The following PCGF5 variants were observed in gnomAD, a reference collection of about 807,000 sequenced individuals.
The protein encoded by PCGF5 is polycomb group ring finger 5, also known as polycomb group RING finger protein 5.
PCGF5 carries 9 observed loss-of-function variants against 44.3 expected under a neutral mutation model. The observed-to-expected ratio is 0.20, with a 90% CI of 0.12 to 0.35. The LOEUF is 0.35. PCGF5 is among the 10% of genes least tolerant of loss of function. PCGF5 has a pLI of 1.00. For synonymous variants in PCGF5, 95 were observed against 102.5 expected (o/e 0.93, Z 0.44); for missense variants, 146 against 305.3 (o/e 0.48, Z 3.89).
At chr10:91,170,185 A>G (rs1373146287) in intron 1 of PCGF5, among the ~76,000 whole-genome samples, 1 of 152,260 alleles carries the variant, frequency 6.6e-6, no homozygotes, top group Non-Finnish European at 1.5e-5. Context: ...AAGATAACAT[A>G]GGAGAAAATC....
chr10:91,181,064 C>G lies in PCGF5; in HGVS notation c.-184+17983C>G, dbSNP rs574183733. Among the ~76,000 whole-genome samples the G allele has an allele frequency of 2.0e-5, 3 of 152,200 alleles. No individual in the cohort carries two copies. In the South Asian group the frequency reaches 6.2e-4, roughly 32 times the overall value. ...TTCTCCTTGTAGAGATCTTTCACCT[C>G]CCTAGTTAGCTGTATTTTTAGCTAT... On this transcript the variant is annotated intron_variant, in intron 1 of 9. Transcript: ENST00000614189.
intron 2 of PCGF5, chr10:91,227,506 C>T: frequency 2.4e-6 from 3 of 1,264,734 alleles, no homozygotes; most frequent in Non-Finnish European, 3.1e-6. Flanking sequence ...CTGCTGGTCT[C>T]TCTCTTTAAT....
upstream of PCGF5, among the ~76,000 whole-genome samples, chr10:91,218,085 C>T (rs1844578950): frequency 6.6e-6 from 1 of 152,204 alleles, no homozygotes. Context: ...CCGTGCGCAG[C>T]CCTAATCTGT....
At chr10:91,261,481 T>G (rs1845907303) in intron 7 of PCGF5, 57 bp downstream of exon 7, 8 of 1,351,182 alleles carry the variant, frequency 5.9e-6, no homozygotes, top group African/African-American at 1.5e-5. Flanking sequence ...TGAAGTAAAA[T>G]TCTAACAAAA....
rs527905021 is a variant in PCGF5, at chr10:91,262,106, C to T, written c.573+682C>T. Among the ~76,000 whole-genome samples the T allele has an allele frequency of 3.9e-5, 6 of 152,294 alleles. No individual in the cohort carries two copies. The South Asian group carries it at 1.0e-3, about 26-fold the overall frequency. ...TCATTAATTTCCCCTTCTTCCCTTT[C>T]GAGTTCTGATAGTAGCATCTAGAAA... is the stretch of plus-strand genomic sequence containing the variant. On this transcript the variant is annotated intron_variant, in intron 7 of 9. Coordinates refer to ENST00000336126, the MANE Select transcript of PCGF5 (RefSeq NM_032373.5).
chr10:91,228,277 C>T (rs1844901705), intron 2 of PCGF5, among the ~76,000 whole-genome samples: 1 of 152,074 alleles, frequency 6.6e-6, no homozygotes, highest in African/African-American at 2.4e-5. Flanking sequence ...AAACTAAGGA[C>T]AAAGGGGCTA....
At chr10:91,239,478 A>G (rs1259656442) in intron 2 of PCGF5, among the ~76,000 whole-genome samples, 1 of 152,186 alleles carries the variant, frequency 6.6e-6, no homozygotes, top group Admixed American at 6.5e-5. Flanking sequence ...CCAATCATTT[A>G]AGTAAACTTT....
chr10:91,162,424 C>A (rs998305777), upstream of PCGF5, among the ~76,000 whole-genome samples: 1 of 152,094 alleles, frequency 6.6e-6, no homozygotes, highest in African/African-American at 2.4e-5. Flanking sequence ...ACTTGACCAT[C>A]GCCAGGGAGG....
chr10:91,267,080 C>A (rs1436528608), intron 8 of PCGF5, among the ~76,000 whole-genome samples: 1 of 152,134 alleles, frequency 6.6e-6, no homozygotes, highest in Non-Finnish European at 1.5e-5. Context: ...CCCATACAGT[C>A]TTCCCCAGAT....
chr10:91,261,209 A>G, intron 6 of PCGF5, 117 bp from the exon 7 acceptor site: 1 of 1,246,152 alleles, frequency 8.0e-7, no homozygotes, highest in Non-Finnish European at 1.0e-6. Context: ...TGTTTTCACA[A>G]TACATTTTAA....
chr10:91,251,237 A>C, intron 5 of PCGF5, 55 bp from the exon 6 acceptor site: 2 of 1,441,022 alleles, frequency 1.4e-6, no homozygotes. Flanking sequence ...ATGATTGCTT[A>C]ACTTTAAAAT....
At chr10:91,157,302 C>G in the PCGF5 span, among the ~76,000 whole-genome samples, 1 of 152,068 alleles carries the variant, frequency 6.6e-6, no homozygotes, top group Non-Finnish European at 1.5e-5. Context: ...TAAATGTGCC[C>G]AAGATCACAT....
intron 1 of PCGF5, among the ~76,000 whole-genome samples, chr10:91,191,106 T>C (rs1844024746): frequency 6.6e-6 from 1 of 152,248 alleles, no homozygotes; most frequent in Non-Finnish European, 1.5e-5. Context: ...ACCCTATGTA[T>C]GTTATATTTT....
intron 1 of PCGF5, among the ~76,000 whole-genome samples, chr10:91,201,866 G>C (rs764110467): frequency 6.6e-6 from 1 of 152,020 alleles, no homozygotes; most frequent in Non-Finnish European, 1.5e-5. Context: ...ATTTAGTTAA[G>C]GTTCTGTGCT....
At chr10:91,203,643 C>T (rs574119708) in intron 1 of PCGF5, among the ~76,000 whole-genome samples, 1 of 152,194 alleles carries the variant, frequency 6.6e-6, no homozygotes, top group East Asian at 1.9e-4. Flanking sequence ...TTGTACAAGA[C>T]TCATGTTTTT....
chr10:91,195,483 T>TAGAGAG (rs751445131), intron 1 of PCGF5, among the ~76,000 whole-genome samples: 9 of 102,084 alleles, frequency 8.8e-5, no homozygotes, highest in Admixed American at 2.4e-4. Flanking sequence ...TATATATATA[T>TAGAGAG]ATAGAGAGAG....
intron 3 of PCGF5, among the ~76,000 whole-genome samples, chr10:91,241,320 C>T (rs1328537406): frequency 6.6e-6 from 1 of 152,000 alleles, no homozygotes; most frequent in South Asian, 2.1e-4. Context: ...CTGCCTGCCT[C>T]GGCCTCCCAA....
chr10:91,224,863 G>A (rs1844774828), intron 2 of PCGF5, among the ~76,000 whole-genome samples: 1 of 152,102 alleles, frequency 6.6e-6, no homozygotes, highest in Admixed American at 6.6e-5. Context: ...GAACCAATTG[G>A]CTACCCTAGA....
chr10:91,205,991 C>T lies in PCGF5; in HGVS notation c.-183-16698C>T, dbSNP rs544115347. 5.3e-5 allele frequency among the ~76,000 whole-genome samples: 8 copies of T among 152,078 alleles called. No homozygotes were observed. The South Asian group carries it at 6.2e-4, about 12-fold the overall frequency. On this transcript the variant is annotated intron_variant, in intron 1 of 9. Coordinates refer to the PCGF5 transcript ENST00000614189. ...GAGCTGAGATCACACCACTGCACTCCGACCTGGGTGACGGACCGCGACTCT... is the reference window on the plus strand; with the variant it reads ...GAGCTGAGATCACACCACTGCACTCTGACCTGGGTGACGGACCGCGACTCT...
Sources: gnomAD v4.1 joint callset for allele counts (sites outside exome capture counted in the v4.1 genomes callset) on GRCh38, gnomAD v4.1.1 for gene constraint, MANE v1.5 for transcripts, NCBI Gene and HGNC (gene_info 2026-07-23, HGNC 2026-07-21) for gene names.